Variants in SREK1 observed in about 807,000 individuals in gnomAD.
SREK1 encodes the protein splicing regulatory glutamic acid and lysine rich protein 1.
A neutral mutation model predicts 66.5 loss-of-function variants in SREK1; 13 were observed. The observed-to-expected ratio is 0.20, with a 90% CI of 0.13 to 0.31. SREK1 has a LOEUF of 0.31. Among genes scored for constraint, SREK1 ranks in the 10% least tolerant of loss-of-function variants. The probability of loss-of-function intolerance (pLI) is 1.00; values close to 1 mark genes in which losing one functional copy is unlikely to be tolerated. For synonymous variants in SREK1, 265 were observed against 263.5 expected, an observed-to-expected ratio of 1.01 and a Z score of -0.05; for missense variants, 607 against 769.6, an observed-to-expected ratio of 0.79 and a Z score of 2.50.
intron 3 of SREK1, among the ~76,000 whole-genome samples, chr5:66,161,206 A>G (rs892624314): frequency 1.3e-5 from 2 of 152,226 alleles, no homozygotes; most frequent in East Asian, 1.9e-4. Context: ...ACTCATACTC[A>G]TACTCATCTG....
chr5:66,157,185 C>T (rs1372939652), intron 2 of SREK1: 1 of 969,656 alleles, frequency 1.0e-6, no homozygotes, highest in African/African-American at 1.8e-5. Context: ...TAGTAGTATA[C>T]TATATTTATA....
At position 66,169,903 on chromosome 5, in the gene SREK1, A is replaced by G; in HGVS notation, c.1002-148A>G. Reference sequence around the variant, plus strand: ...CAATGAAATATCCGGTAAAGTTTCCAGTAAATGTATTTCAGATTATGTAAC... The same window carrying G: ...CAATGAAATATCCGGTAAAGTTTCCGGTAAATGTATTTCAGATTATGTAAC... On this transcript the variant is annotated intron_variant, in intron 7 of 11. Coordinates refer to ENST00000334121, the MANE Select transcript of SREK1 (RefSeq NM_001077199.3). The G allele has an allele frequency of 7.4e-6, 4 of 540,348 alleles. No homozygotes were observed. The South Asian group carries it at 2.0e-4, about 26-fold the overall frequency. The allele number at this position is 540,348 out of a possible 1,614,324, so 33.5% of individuals were successfully genotyped here.
chr5:66,177,759 T>C lies in SREK1; in HGVS notation c.1725+101T>C, dbSNP rs970548881. 3.2e-6 allele frequency: 3 copies of C among 951,234 alleles called. No homozygotes were observed. In the African/African-American group the frequency reaches 5.1e-5, roughly 16 times the overall value. The allele number at this position is 951,234 out of a possible 1,614,324, so 58.9% of individuals were successfully genotyped here. Reference sequence around the variant, plus strand: ...CTTTGGGGAACAGTGTCTTGTACATTGTTGGCATTTTATGGCATTTTAAAA... The same window carrying C: ...CTTTGGGGAACAGTGTCTTGTACATCGTTGGCATTTTATGGCATTTTAAAA... On this transcript the variant is annotated intron_variant, in intron 11 of 11. Coordinates refer to ENST00000334121, the MANE Select transcript of SREK1 (RefSeq NM_001077199.3).
At chr5:66,155,978 C>T (rs1744255410) in intron 2 of SREK1, 1 of 1,525,140 alleles carries the variant, frequency 6.6e-7, no homozygotes, top group Admixed American at 2.0e-5. Flanking sequence ...TCAGTCATAA[C>T]TTTATGTCCA....
chr5:66,175,029 C>T lies in SREK1; in HGVS notation c.1568C>T (p.Pro523Leu), dbSNP rs1745944792. The change falls in exon 10 of 12, where the codon CCG becomes CTG. Residue 523 changes from proline to leucine, a missense_variant. Physicochemically the swap from Pro to Leu is moderately conservative, Grantham distance 98 (BLOSUM62 -3). Transcript: ENST00000334121. ...ATAAAAAGGAAATCTTCTAGATCTC[C>T]GTCCCCCAGGAGGTAGGTTGGGAGC... ...KTIKRKSSRS[P>L]SPRSRNKKDK... 5.6e-6 allele frequency: 9 copies of T among 1,611,330 alleles called. No individual in the cohort carries two copies. Among genetic ancestry groups the T allele is most frequent in the South Asian group, 2.2e-5 (2 of 90,536 alleles).
At chr5:66,150,745 A>G (rs1464052089) in intron 1 of SREK1, among the ~76,000 whole-genome samples, 1 of 152,236 alleles carries the variant, frequency 6.6e-6, no homozygotes, top group Non-Finnish European at 1.5e-5. Context: ...AGCAGGATAT[A>G]TTGACCAATT....
intron 3 of SREK1, among the ~76,000 whole-genome samples, chr5:66,161,776 T>A (rs903677152): frequency 6.6e-6 from 1 of 152,200 alleles, no homozygotes; most frequent in Admixed American, 6.5e-5. Context: ...CACCCTGTAT[T>A]TTCCCTAGGA....
chr5:66,161,783 A>G (rs1355253644), intron 3 of SREK1, among the ~76,000 whole-genome samples: 2 of 152,220 alleles, frequency 1.3e-5, no homozygotes, highest in East Asian at 3.8e-4. Context: ...TATTTTCCCT[A>G]GGAATAATGG....
intron 7 of SREK1, chr5:66,165,472 G>A (rs1052945079): frequency 2.6e-5 from 4 of 152,444 alleles, no homozygotes; most frequent in African/African-American, 9.7e-5. Context: ...TTCAGTTTTA[G>A]TACTTTGCTT....
chr5:66,163,698 C>T, intron 5 of SREK1, 94 bp from the exon 6 acceptor site: 1 of 1,327,130 alleles, frequency 7.5e-7, no homozygotes. Context: ...CTGAGATGTC[C>T]TCACGTTTAT....
At chr5:66,151,209 A>T (rs1004382086) in intron 1 of SREK1, among the ~76,000 whole-genome samples, 4 of 152,012 alleles carry the variant, frequency 2.6e-5, no homozygotes, top group African/African-American at 9.7e-5. Context: ...TCACTCTGGG[A>T]TGAAGTTGAT....
chr5:66,177,511 T>A lies in SREK1; in HGVS notation c.1581-3T>A. 1.9e-6 allele frequency: 3 copies of A among 1,572,626 alleles called. No individual in the cohort carries two copies. The South Asian group carries it at 3.5e-5, about 19-fold the overall frequency. ...TTTAACTGACATATCAATATTCTTA[T>A]AGCAGAAATAAGAAGGATAAAAAGA... On this transcript the variant is annotated splice_region_variant and splice_polypyrimidine_tract_variant and intron_variant, in intron 10 of 11. Transcript: ENST00000334121.
Position 66,179,267 on chromosome 5 carries a change from CTTT to C in SREK1, c.*407_*409del, listed in dbSNP as rs60627043. The C allele has an allele frequency of 6.6e-6, 1 of 150,746 alleles. No homozygotes were observed. The highest frequency in any genetic ancestry group is 1.9e-4 in the East Asian group (1 of 5,194). The allele number at this position is 150,746 out of a possible 1,614,324, so 9.3% of individuals were successfully genotyped here. A position where few individuals can be genotyped will look rare whatever the true frequency, so the allele number is the denominator to read the frequency against. On this transcript the variant is annotated 3_prime_UTR_variant, in exon 12 of 12. Transcript: ENST00000334121. The stretch of plus-strand genomic sequence containing the variant: ...AGTTACTGAATTTTGTATTGTTTTA[CTTT>C]TTTTTTTATTTCAATATATACAGTT...
At chr5:66,148,540 C>G (rs556433062) in intron 1 of SREK1, among the ~76,000 whole-genome samples, 19 of 152,224 alleles carry the variant, frequency 1.2e-4, no homozygotes, top group African/African-American at 4.3e-4. Flanking sequence ...AAAACCAAAA[C>G]TTTAAGTCAA....
chr5:66,178,936 A>T lies in SREK1; in HGVS notation c.*68A>T. 3 of 1,425,882 alleles carry T rather than the reference A, an allele frequency of 2.1e-6. No individual in the cohort carries two copies. The highest frequency in any genetic ancestry group is 2.4e-5 in the East Asian group (1 of 41,284). The allele number at this position is 1,425,882 out of a possible 1,614,324, so 88.3% of individuals were successfully genotyped here. ...CAAAGCTTTTAATTCTCTCAACAAG[A>T]TGTAAACAGGAAAGAAATCTAGTTG... On this transcript the variant is annotated 3_prime_UTR_variant, in exon 12 of 12. Transcript: ENST00000334121.
chr5:66,174,649 A>G (rs542390957), intron 9 of SREK1: 11 of 213,498 alleles, frequency 5.2e-5, no homozygotes, highest in Non-Finnish European at 9.2e-5. Flanking sequence ...CACGCCATTA[A>G]TATTTTTTCT....
At chr5:66,160,175 A>T (rs892254164) in intron 3 of SREK1, among the ~76,000 whole-genome samples, 39 of 152,060 alleles carry the variant, frequency 2.6e-4, no homozygotes, top group African/African-American at 8.5e-4. Flanking sequence ...GTTTTTGCTT[A>T]AAAAACTCTG....
intron 1 of SREK1, among the ~76,000 whole-genome samples, chr5:66,151,559 A>G (rs1327697031): frequency 1.3e-5 from 2 of 152,104 alleles, no homozygotes; most frequent in Admixed American, 6.5e-5. Context: ...TGATGAATGT[A>G]TTTTCAACTT....
chr5:66,179,130 G>T lies in SREK1; in HGVS notation c.*262G>T. 1 of 261,268 alleles carries T rather than the reference G, an allele frequency of 3.8e-6. No individual in the cohort carries two copies. Among genetic ancestry groups the T allele is most frequent in the Non-Finnish European group, 7.2e-6 (1 of 138,874 alleles). The allele number at this position is 261,268 out of a possible 1,614,324, so 16.2% of individuals were successfully genotyped here. A position where few individuals can be genotyped will look rare whatever the true frequency, so the allele number is the denominator to read the frequency against. On this transcript the variant is annotated 3_prime_UTR_variant, in exon 12 of 12. Transcript: ENST00000334121. ...TGGTGGCTGACACACTTGTCATGTG[G>T]TCTGTTAGTGTTTGCCAAGAACCAT... is the stretch of plus-strand genomic sequence containing the variant.
Sources: allele counts gnomAD v4.1 joint callset (sites outside exome capture counted in the v4.1 genomes callset), GRCh38; gene constraint gnomAD v4.1.1; transcripts MANE v1.5; gene names NCBI Gene and HGNC (gene_info 2026-07-23, HGNC 2026-07-21).